The following TYW1B variants were observed in gnomAD, a reference collection of about 807,000 sequenced individuals.
TYW1B encodes the protein S-adenosyl-L-methionine-dependent tRNA 4-demethylwyosine synthase TYW1B.
TYW1B carries 73 observed loss-of-function variants against 86.9 expected under a neutral mutation model. The ratio of observed to expected loss-of-function variants is 0.84; its 90% CI spans 0.70 to 1.02. The LOEUF is 1.02. Among genes scored for constraint, TYW1B ranks in the 50% least tolerant of loss-of-function variants. The probability of loss-of-function intolerance (pLI) is 0.00; values close to 1 mark genes in which losing one functional copy is unlikely to be tolerated. For synonymous variants in TYW1B, 248 were observed against 292.8 expected, an observed-to-expected ratio of 0.85 and a Z score of 1.56; for missense variants, 637 against 827.4, an observed-to-expected ratio of 0.77 and a Z score of 2.82.
At chr7:72,640,323 C>T (rs1554441343) in intron 11 of TYW1B, among the ~76,000 whole-genome samples, 1 of 151,888 alleles carries the variant, frequency 6.6e-6, no homozygotes, top group Non-Finnish European at 1.5e-5. Flanking sequence ...AACCCAATTA[C>T]ATGTTATTAA....
At chr7:72,712,489 C>T (rs1279777618) in intron 10 of TYW1B, among the ~76,000 whole-genome samples, 1 of 152,120 alleles carries the variant, frequency 6.6e-6, no homozygotes, top group African/African-American at 2.4e-5. Flanking sequence ...CCATCATGCC[C>T]AGCTAATTTT....
In TYW1B at chr7:72,575,023, A is replaced by G; in HGVS notation, c.*475T>C. 1 of 992,844 alleles carries G rather than the reference A, an allele frequency of 1.0e-6. No individual in the cohort carries two copies. The highest frequency in any genetic ancestry group is 1.2e-6 in the Non-Finnish European group (1 of 834,036). 61.5% of individuals were successfully genotyped at this position (992,844 alleles called of 1,614,324 possible). A position where few individuals can be genotyped will look rare whatever the true frequency, so the allele number is the denominator to read the frequency against. Reference sequence around the variant, plus strand: ...TCAGGAGGTGCTGTCTTAAGACAGAAGAAAGGGATCAAGCTCTTATCTTAG... The same window carrying G: ...TCAGGAGGTGCTGTCTTAAGACAGAGGAAAGGGATCAAGCTCTTATCTTAG... On this transcript the variant is annotated 3_prime_UTR_variant, in exon 14 of 14. Coordinates refer to ENST00000620995, the MANE Select transcript of TYW1B (RefSeq NM_001145440.3).
chr7:72,625,881 G>T (rs531346438), intron 12 of TYW1B, among the ~76,000 whole-genome samples: 3 of 86,388 alleles, frequency 3.5e-5, no homozygotes, highest in Admixed American at 1.5e-4. Flanking sequence ...AAGAAAGGAG[G>T]GGGGAGAGGT....
intron 11 of TYW1B, among the ~76,000 whole-genome samples, chr7:72,629,922 T>C (rs1812442142): frequency 6.6e-6 from 1 of 152,102 alleles, no homozygotes; most frequent in Non-Finnish European, 1.5e-5. Flanking sequence ...AGCTCCCTTT[T>C]AGAACCCAAA....
chr7:72,786,527 C>T lies in TYW1B; in HGVS notation c.847-8994G>A, dbSNP rs188295882. Among the ~76,000 whole-genome samples, 362 of 151,852 alleles carry T rather than the reference C, an allele frequency of 2.4e-3. 2 individuals are homozygous for T. The highest frequency in any genetic ancestry group is 8.4e-3 in the African/African-American group (346 of 41,430). ...AGAAAAATACATACCCACAAATTAT[C>T]CCAAACTCTTCACCCACTATAAACA... On this transcript the variant is annotated intron_variant, in intron 6 of 13. Coordinates refer to ENST00000620995, the MANE Select transcript of TYW1B (RefSeq NM_001145440.3).
At chr7:72,670,859 T>C (rs1183913651) in intron 11 of TYW1B, among the ~76,000 whole-genome samples, 6 of 152,226 alleles carry the variant, frequency 3.9e-5, no homozygotes, top group Non-Finnish European at 8.8e-5. Flanking sequence ...TGGAAAATTA[T>C]TTTGCGTGTT....
chr7:72,781,614 T>C (rs1416973235), intron 6 of TYW1B, among the ~76,000 whole-genome samples: 1 of 152,208 alleles, frequency 6.6e-6, no homozygotes, highest in African/African-American at 2.4e-5. Context: ...AAAACAGTTC[T>C]AGGGTTTCAT....
At chr7:72,618,045 G>C (rs367965202) in intron 12 of TYW1B, among the ~76,000 whole-genome samples, 12 of 151,914 alleles carry the variant, frequency 7.9e-5, no homozygotes, top group African/African-American at 2.4e-4. Context: ...TCAACAACTT[G>C]TTGAGAAAAT....
At position 72,616,844 on chromosome 7, in the gene TYW1B, G is replaced by A; in HGVS notation, c.1618-5C>T. The A allele has an allele frequency of 2.2e-5, 35 of 1,614,094 alleles. No individual in the cohort carries two copies. Among genetic ancestry groups the A allele is most frequent in the Non-Finnish European group, 2.9e-5 (34 of 1,179,990 alleles). On this transcript the variant is annotated splice_region_variant and splice_polypyrimidine_tract_variant and intron_variant, in intron 12 of 13. Coordinates refer to ENST00000620995, the MANE Select transcript of TYW1B (RefSeq NM_001145440.3). ...TTCTCTGCAGTAGGTAACGCCCTGT[G>A]GAAACAGTATAACCATCAGAGATGA...
chr7:72,736,715 A>T (rs530810263), intron 8 of TYW1B, among the ~76,000 whole-genome samples: 2 of 152,308 alleles, frequency 1.3e-5, no homozygotes, highest in South Asian at 4.1e-4. Flanking sequence ...CAGAAATGCA[A>T]TCTTACTATA....
At chr7:72,646,495 C>A (rs558086389) in intron 11 of TYW1B, among the ~76,000 whole-genome samples, 3 of 152,228 alleles carry the variant, frequency 2.0e-5, no homozygotes, top group African/African-American at 4.8e-5. Flanking sequence ...CCTCAGCCCC[C>A]CAAGCAGCTG....
chr7:72,767,718 AAC>A lies in TYW1B; in HGVS notation c.964+9696_964+9697del, dbSNP rs1198696072. On this transcript the variant is annotated intron_variant, in intron 7 of 13. Coordinates refer to ENST00000620995, the MANE Select transcript of TYW1B (RefSeq NM_001145440.3). ...CTTTGTCTTCCTGTACCTCCCCAAA[AAC>A]ACAGTTTACTGTGGCTTGCATATTC... 3.3e-5 allele frequency among the ~76,000 whole-genome samples: 5 copies of A among 152,320 alleles called. No individual in the cohort carries two copies. The East Asian group carries it at 7.7e-4, about 24-fold the overall frequency.
At chr7:72,812,566 GCT>G (rs1554478573) in intron 3 of TYW1B, among the ~76,000 whole-genome samples, 1 of 152,066 alleles carries the variant, frequency 6.6e-6, no homozygotes. Flanking sequence ...GCACATTCAA[GCT>G]CACTCATGTG....
At chr7:72,685,513 T>C (rs1443957274) in intron 11 of TYW1B, among the ~76,000 whole-genome samples, 2 of 152,140 alleles carry the variant, frequency 1.3e-5, no homozygotes, top group African/African-American at 2.4e-5. Context: ...CACACAAATG[T>C]AGTCAACTGA....
At chr7:72,655,843 C>T (rs1299537668) in intron 11 of TYW1B, among the ~76,000 whole-genome samples, 2 of 152,186 alleles carry the variant, frequency 1.3e-5, no homozygotes, top group East Asian at 3.9e-4. Context: ...GATCAACCCA[C>T]TCCACCTGTC....
intron 9 of TYW1B, among the ~76,000 whole-genome samples, chr7:72,723,841 G>A (rs1403092442): frequency 2.6e-4 from 40 of 151,964 alleles, no homozygotes; most frequent in African/African-American, 9.7e-4. Context: ...ATATTCTGAA[G>A]TACTAAAATT....
chr7:72,788,627 G>T (rs1417382772), intron 6 of TYW1B, among the ~76,000 whole-genome samples: 1 of 151,678 alleles, frequency 6.6e-6, no homozygotes, highest in Non-Finnish European at 1.5e-5. Flanking sequence ...CCGCTTCCGG[G>T]GTTCAAGCGA....
intron 13 of TYW1B, among the ~76,000 whole-genome samples, chr7:72,586,802 G>A (rs1811288580): frequency 6.6e-6 from 1 of 151,856 alleles, no homozygotes; most frequent in Non-Finnish European, 1.5e-5. Flanking sequence ...TACAAATAAA[G>A]AAAGGTACTC....
chr7:72,679,062 A>G (rs1813807800), intron 11 of TYW1B, among the ~76,000 whole-genome samples: 2 of 152,140 alleles, frequency 1.3e-5, no homozygotes, highest in Admixed American at 6.6e-5. Context: ...TGATGGCACC[A>G]CTGCATCCAG....
Sources: allele counts gnomAD v4.1 joint callset (sites outside exome capture counted in the v4.1 genomes callset), GRCh38; gene constraint gnomAD v4.1.1; transcripts MANE v1.5; gene names NCBI Gene and HGNC (gene_info 2026-07-23, HGNC 2026-07-21).